Variants in RBM47 observed in about 807,000 individuals in gnomAD.
RBM47 encodes the protein RNA-binding protein 47.
In RBM47, 21 loss-of-function variants were observed where a neutral mutation model predicts 47.1. The ratio of observed to expected loss-of-function variants is 0.45; its 90% CI spans 0.32 to 0.64. The LOEUF is 0.64. Among genes scored for constraint, RBM47 ranks in the 30% least tolerant of loss-of-function variants. RBM47 has a pLI of 0.05. For synonymous variants in RBM47, 375 were observed against 361.7 expected, an observed-to-expected ratio of 1.04 and a Z score of -0.42; for missense variants, 708 against 870.9, an observed-to-expected ratio of 0.81 and a Z score of 2.35.
chr4:40,504,677 T>C lies in RBM47; in HGVS notation c.-154-37978A>G, dbSNP rs115579510. The stretch of plus-strand genomic sequence containing the variant: ...GTGAATTAGACTGTTTATTTCTACT[T>C]CCCTCCCCACCTCAGCTTCTATGAT... On this transcript the variant is annotated intron_variant, in intron 2 of 6. Coordinates refer to ENST00000295971, the MANE Select transcript of RBM47 (RefSeq NM_001098634.2). 8.9e-3 allele frequency among the ~76,000 whole-genome samples: 1,355 copies of C among 152,258 alleles called. 19 individuals carry two copies. Among genetic ancestry groups the C allele is most frequent in the African/African-American group, 0.031 (1,289 of 41,540 alleles).
intron 3 of RBM47, among the ~76,000 whole-genome samples, chr4:40,464,314 T>C (rs534266795): frequency 6.6e-6 from 1 of 152,306 alleles, no homozygotes; most frequent in Non-Finnish European, 1.5e-5. Context: ...CTGAAACCTC[T>C]GATAGTAATG....
intron 2 of RBM47, chr4:40,514,624 G>A (rs888482790): frequency 1.3e-5 from 2 of 152,126 alleles, no homozygotes; most frequent in African/African-American, 4.8e-5. Flanking sequence ...AATGTTTTAC[G>A]AGACACTAAA....
chr4:40,534,162 CA>C (rs1234319606), intron 2 of RBM47, among the ~76,000 whole-genome samples: 2 of 151,224 alleles, frequency 1.3e-5, no homozygotes, highest in African/African-American at 2.4e-5. Context: ...GATGGGGTCT[CA>C]CTATGTTGCC....
At chr4:40,597,253 C>T (rs1042828800) in intron 1 of RBM47, among the ~76,000 whole-genome samples, 2 of 149,698 alleles carry the variant, frequency 1.3e-5, no homozygotes, top group African/African-American at 4.9e-5. Flanking sequence ...GAGCGAGATT[C>T]CATCTCAAAA....
At chr4:40,573,509 G>A (rs1731941740) in intron 1 of RBM47, among the ~76,000 whole-genome samples, 1 of 151,982 alleles carries the variant, frequency 6.6e-6, no homozygotes, top group Admixed American at 6.6e-5. Context: ...TTGAGAGGCT[G>A]AGGCTGGTGG....
intron 1 of RBM47, among the ~76,000 whole-genome samples, chr4:40,576,206 C>A (rs1383903008): frequency 6.8e-6 from 1 of 147,206 alleles, no homozygotes. Flanking sequence ...TATGCCCTTT[C>A]TTCAGCCTAT....
intron 4 of RBM47, among the ~76,000 whole-genome samples, chr4:40,437,178 T>TATATATATATAATAC (rs1712771648): frequency 7.4e-6 from 1 of 134,674 alleles, no homozygotes; most frequent in African/African-American, 2.8e-5. Flanking sequence ...ATATAATACA[T>TATATATATATAATAC]ATATATATAC....
intron 2 of RBM47, among the ~76,000 whole-genome samples, chr4:40,505,294 C>T (rs1003415366): frequency 2.0e-5 from 3 of 151,770 alleles, no homozygotes; most frequent in African/African-American, 7.3e-5. Context: ...GAGTTCAAGA[C>T]CAGCCTGGCC....
At chr4:40,530,017 C>T (rs1364501622) in intron 2 of RBM47, among the ~76,000 whole-genome samples, 1 of 134,132 alleles carries the variant, frequency 7.5e-6, no homozygotes, top group Non-Finnish European at 1.6e-5. Context: ...CTCACTGCAA[C>T]CTCCGCTTCC....
At chr4:40,539,900 G>A (rs9998782) in intron 2 of RBM47, among the ~76,000 whole-genome samples, 1,767 of 152,114 alleles carry the variant, frequency 0.012, 46 homozygotes, top group African/African-American at 0.04. Context: ...AAGAAACAAT[G>A]TCTTCACCAG....
rs184490721 is a variant in RBM47 at position 40,600,621 on chromosome 4, G to A, written c.-240+28775C>T. ...TGCACTCCAGCCTGGGCGACAGAGC[G>A]AGGCTCCGTCTCAAAAAAAAAGAAA... is the stretch of plus-strand genomic sequence containing the variant. On this transcript the variant is annotated intron_variant, in intron 1 of 6. Transcript: ENST00000295971. Among the ~76,000 whole-genome samples the A allele has an allele frequency of 3.5e-3, 484 of 137,752 alleles. 4 individuals are homozygous for A. Among genetic ancestry groups the A allele is most frequent in the African/African-American group, 0.012 (465 of 38,364 alleles). 90.4% of individuals were successfully genotyped at this position (137,752 alleles called of 152,430 possible).
intron 1 of RBM47, among the ~76,000 whole-genome samples, chr4:40,579,423 G>GGAAAA (rs1553904315): frequency 9.8e-6 from 1 of 102,010 alleles, no homozygotes; most frequent in Non-Finnish European, 1.8e-5. Context: ...CCCTGTCTCA[G>GGAAAA]AAAAAAAAAA....
At chr4:40,565,318 C>T (rs1730994150) in intron 1 of RBM47, among the ~76,000 whole-genome samples, 1 of 152,210 alleles carries the variant, frequency 6.6e-6, no homozygotes, top group Non-Finnish European at 1.5e-5. Context: ...AGGGCACCAA[C>T]ATGCATCTGC....
chr4:40,604,169 G>A (rs1441642286), intron 1 of RBM47, among the ~76,000 whole-genome samples: 1 of 152,166 alleles, frequency 6.6e-6, no homozygotes, highest in Non-Finnish European at 1.5e-5. Flanking sequence ...GTCTGGTAGG[G>A]ACAAACTAAA....
chr4:40,469,248 A>G (rs976038948), intron 2 of RBM47, among the ~76,000 whole-genome samples: 7 of 152,202 alleles, frequency 4.6e-5, no homozygotes, highest in African/African-American at 1.7e-4. Context: ...TAATATATAA[A>G]TGAAACACAG....
At chr4:40,474,836 T>C (rs1719382220) in intron 2 of RBM47, among the ~76,000 whole-genome samples, 1 of 152,232 alleles carries the variant, frequency 6.6e-6, no homozygotes, top group Non-Finnish European at 1.5e-5. Flanking sequence ...AGAATATGCA[T>C]TTCTCACATA....
At chr4:40,448,282 TGTGA>T (rs775792712) in intron 3 of RBM47, among the ~76,000 whole-genome samples, 12 of 150,352 alleles carry the variant, frequency 8.0e-5, no homozygotes, top group South Asian at 2.1e-4. Flanking sequence ...TGTGTGTGAG[TGTGA>T]GTGTGTGTGT....
rs527782067 is a variant in RBM47, at chr4:40,627,231, T to C, written c.-240+2165A>G. 2.6e-5 allele frequency among the ~76,000 whole-genome samples: 4 copies of C among 152,336 alleles called. No individual in the cohort carries two copies. The South Asian group carries it at 8.3e-4, about 32-fold the overall frequency. On this transcript the variant is annotated intron_variant, in intron 1 of 6. Coordinates refer to ENST00000295971, the MANE Select transcript of RBM47 (RefSeq NM_001098634.2). Reference sequence around the variant, plus strand: ...CTTAAAGCTGCATTTAATGTCTTCATTGTAACTTCATCAAAGTTTGGCACA... The same window carrying C: ...CTTAAAGCTGCATTTAATGTCTTCACTGTAACTTCATCAAAGTTTGGCACA...
intron 1 of RBM47, among the ~76,000 whole-genome samples, chr4:40,549,184 T>C (rs1345460942): frequency 6.6e-6 from 1 of 151,550 alleles, no homozygotes; most frequent in Non-Finnish European, 1.5e-5. Flanking sequence ...CTCCGCCCCC[T>C]GGGTTCAAGC....
Sources: gnomAD v4.1 joint callset for allele counts (sites outside exome capture counted in the v4.1 genomes callset) on GRCh38, gnomAD v4.1.1 for gene constraint, MANE v1.5 for transcripts, NCBI Gene and HGNC (gene_info 2026-07-23, HGNC 2026-07-21) for gene names.